Variants in TMEM87B observed in about 807,000 individuals in gnomAD.
TMEM87B encodes the protein transmembrane protein 87B.
In TMEM87B, 83 loss-of-function variants were observed where a neutral mutation model predicts 80.3. The observed-to-expected ratio is 1.03, with a 90% CI of 0.87 to 1.24. TMEM87B has a LOEUF of 1.24. TMEM87B is among the 50% of genes most tolerant of loss of function. The pLI is 0.00. For missense variants in TMEM87B, 625 were observed against 674.4 expected, an observed-to-expected ratio of 0.93 and a Z score of 0.81; for synonymous variants, 219 against 230.5, an observed-to-expected ratio of 0.95 and a Z score of 0.45.
At chr2:112,110,469 T>C (rs1348208336) in intron 17 of TMEM87B, among the ~76,000 whole-genome samples, 1 of 152,206 alleles carries the variant, frequency 6.6e-6, no homozygotes, top group Non-Finnish European at 1.5e-5. Flanking sequence ...ATTTGGAGTA[T>C]TGTGTGTTAT....
chr2:112,084,480 G>C (rs1260602332), intron 8 of TMEM87B, among the ~76,000 whole-genome samples: 2 of 152,246 alleles, frequency 1.3e-5, no homozygotes. Context: ...TCTCGCCCCA[G>C]CCCACACTTG....
chr2:112,075,630 T>C (rs1194969467), intron 5 of TMEM87B, among the ~76,000 whole-genome samples: 1 of 152,196 alleles, frequency 6.6e-6, no homozygotes, highest in African/African-American at 2.4e-5. Flanking sequence ...AGGGAAATTT[T>C]GGCATTCTGG....
At chr2:112,064,061 A>G (rs1678339709) in intron 2 of TMEM87B, 101 bp from the exon 3 acceptor site, 1 of 898,152 alleles carries the variant, frequency 1.1e-6, no homozygotes, top group Non-Finnish European at 1.7e-6. Context: ...ACTCATTGTT[A>G]CATTAAAGTA....
Position 112,116,261 on chromosome 2 carries a change from G to T in TMEM87B, c.*118G>T. On this transcript the variant is annotated 3_prime_UTR_variant, in exon 19 of 19. Transcript: ENST00000283206. ...TTATTGTGTTATCTTGGAAGTCTGT[G>T]TATCAAAATGAAGAATTCAGATGGT... is the stretch of plus-strand genomic sequence containing the variant. 1.2e-6 allele frequency: 1 copy of T among 844,516 alleles called. No individual in the cohort carries two copies. The highest frequency in any genetic ancestry group is 1.8e-6 in the Non-Finnish European group (1 of 548,836). The allele number at this position is 844,516 out of a possible 1,614,324, so 52.3% of individuals were successfully genotyped here. A position where few individuals can be genotyped will look rare whatever the true frequency, so the allele number is the denominator to read the frequency against.
chr2:112,092,134 A>G (rs912479269), intron 11 of TMEM87B, among the ~76,000 whole-genome samples: 15 of 152,336 alleles, frequency 9.8e-5, no homozygotes, highest in African/African-American at 2.9e-4. Flanking sequence ...GTGCTGTGCC[A>G]ACAGGGGAAG....
chr2:112,061,065 C>T lies in TMEM87B; in HGVS notation c.226+1028C>T, dbSNP rs185371407. On this transcript the variant is annotated intron_variant, in intron 2 of 18. Coordinates refer to ENST00000283206, the MANE Select transcript of TMEM87B (RefSeq NM_032824.3). ...AAAATTTTCAAAACGTACATATCCT[C>T]GTAAGAAGTAAAAATTGCTGGACAA... Among the ~76,000 whole-genome samples, 5 of 152,134 alleles carry T rather than the reference C, an allele frequency of 3.3e-5. No homozygotes were observed. In the East Asian group the frequency reaches 7.7e-4, roughly 23 times the overall value.
At chr2:112,109,030 G>A (rs1032932403) in intron 17 of TMEM87B, among the ~76,000 whole-genome samples, 2 of 152,102 alleles carry the variant, frequency 1.3e-5, no homozygotes, top group African/African-American at 4.8e-5. Flanking sequence ...ATATGTCATC[G>A]CATTTATGAG....
intron 14 of TMEM87B, among the ~76,000 whole-genome samples, chr2:112,099,525 C>CATATATATATATATATAT (rs778514391): frequency 1.6e-4 from 20 of 122,786 alleles, no homozygotes; most frequent in Admixed American, 4.9e-4. Flanking sequence ...TACAATAATA[C>CATATATATATATATATAT]ATATATATAT....
intron 2 of TMEM87B, 115 bp downstream of exon 2, chr2:112,060,152 C>A (rs62157784): frequency 0.063 from 76,239 of 1,201,644 alleles, 3,022 homozygotes; most frequent in South Asian, 0.19. Context: ...TCAGGACGAG[C>A]CTGGCCAACA....
chr2:112,108,312 T>G (rs957593636), intron 17 of TMEM87B, among the ~76,000 whole-genome samples: 5 of 152,214 alleles, frequency 3.3e-5, no homozygotes, highest in African/African-American at 1.2e-4. Flanking sequence ...TAGTGAAAAA[T>G]AGAATAGCCA....
rs1678010231 is a variant in TMEM87B at position 112,055,427 on chromosome 2, A to G, written c.-165A>G. ...CCTCCCGGTCCTGGCCGGGTTTCCC[A>G]GAACTGCACGGCGCCTCTCCGCCCA... On this transcript the variant is annotated 5_prime_UTR_variant, in exon 1 of 19. Transcript: ENST00000283206. The G allele has an allele frequency of 7.6e-6, 6 of 791,150 alleles. No individual in the cohort carries two copies. Among genetic ancestry groups the G allele is most frequent in the East Asian group, 3.4e-5 (1 of 29,710 alleles). 49.0% of individuals were successfully genotyped at this position (791,150 alleles called of 1,614,324 possible).
intron 1 of TMEM87B, among the ~76,000 whole-genome samples, chr2:112,056,154 C>G (rs967448627): frequency 6.6e-6 from 1 of 152,116 alleles, no homozygotes; most frequent in South Asian, 2.1e-4. Context: ...GGCCACACCC[C>G]TGAGGCCGCA....
chr2:112,058,074 G>A (rs1187098317), intron 1 of TMEM87B, among the ~76,000 whole-genome samples: 2 of 152,216 alleles, frequency 1.3e-5, no homozygotes, highest in South Asian at 2.1e-4. Flanking sequence ...TGATCCTCCC[G>A]CCTCAGCCTC....
Position 112,067,068 on chromosome 2 carries a change from G to A in TMEM87B, c.450+1G>A. On this transcript the variant is annotated splice_donor_variant, in intron 4 of 18. Transcript: ENST00000283206. LOFTEE classifies it high-confidence loss of function. ...TTCACAGGTGTTTCCCTCTTTGAAT[G>A]TGAGTATCTGACTTGCCATGTTAAA... 2.5e-6 allele frequency: 4 copies of A among 1,609,504 alleles called. No homozygotes were observed. Among genetic ancestry groups the A allele is most frequent in the Non-Finnish European group, 3.4e-6 (4 of 1,178,742 alleles).
chr2:112,055,528 G>A lies in TMEM87B; in HGVS notation c.-64G>A. The stretch of plus-strand genomic sequence containing the variant: ...GGATTCGGACCCGCCTGCCTGGGGC[G>A]GTGCTGCACCAGGTGCGGGTGTGGC... On this transcript the variant is annotated 5_prime_UTR_variant, in exon 1 of 19. Transcript: ENST00000283206. The A allele has an allele frequency of 7.1e-7, 1 of 1,404,686 alleles. No individual in the cohort carries two copies. Among genetic ancestry groups the A allele is most frequent in the Non-Finnish European group, 9.2e-7 (1 of 1,081,126 alleles). The allele number at this position is 1,404,686 out of a possible 1,614,324, so 87.0% of individuals were successfully genotyped here. A position where few individuals can be genotyped will look rare whatever the true frequency, so the allele number is the denominator to read the frequency against.
chr2:112,101,450 T>C (rs956620470), intron 15 of TMEM87B, among the ~76,000 whole-genome samples: 3 of 152,178 alleles, frequency 2.0e-5, no homozygotes, highest in Non-Finnish European at 4.4e-5. Context: ...CCTTGAACAA[T>C]GTAGGGTTAG....
intron 1 of TMEM87B, among the ~76,000 whole-genome samples, chr2:112,056,848 C>T (rs1678086829): frequency 6.6e-6 from 1 of 152,154 alleles, no homozygotes; most frequent in Non-Finnish European, 1.5e-5. Context: ...TTATAGTCTG[C>T]ACATCTCCAT....
intron 7 of TMEM87B, 72 bp from the exon 8 acceptor site, chr2:112,081,262 AC>A: frequency 6.8e-7 from 1 of 1,461,264 alleles, no homozygotes; most frequent in Non-Finnish European, 9.4e-7. Flanking sequence ...AGGGTTGGAT[AC>A]TTGAATGTAG....
chr2:112,097,839 C>G (rs956754328), intron 13 of TMEM87B, among the ~76,000 whole-genome samples: 1 of 150,666 alleles, frequency 6.6e-6, no homozygotes, highest in African/African-American at 2.4e-5. Flanking sequence ...AAAATAAATT[C>G]TCTTCCTGTA....
Sources: allele counts gnomAD v4.1 joint callset (sites outside exome capture counted in the v4.1 genomes callset), GRCh38; gene constraint gnomAD v4.1.1; transcripts MANE v1.5; gene names NCBI Gene and HGNC (gene_info 2026-07-23, HGNC 2026-07-21).